The following AIG1 variants were observed in gnomAD, a reference collection of about 807,000 sequenced individuals.
AIG1 encodes the protein androgen induced 1, also known as androgen-induced gene 1 protein.
A neutral mutation model predicts 31.4 loss-of-function variants in AIG1; 23 were observed. The ratio of observed to expected loss-of-function variants is 0.73; its 90% CI spans 0.53 to 1.04. The LOEUF is 1.04. Ranked by LOEUF, AIG1 falls within the 50% of genes least tolerant of loss-of-function variation. The pLI is 0.00. For missense variants in AIG1, 274 were observed against 295.0 expected, an observed-to-expected ratio of 0.93 and a Z score of 0.52; for synonymous variants, 100 against 110.5, an observed-to-expected ratio of 0.90 and a Z score of 0.60.
intron 1 of AIG1, among the ~76,000 whole-genome samples, chr6:143,095,601 C>T (rs1316545846): frequency 1.3e-5 from 2 of 152,042 alleles, no homozygotes; most frequent in Non-Finnish European, 2.9e-5. Context: ...AGAGCAACAC[C>T]TAAAGAATTT....
rs572226092 is a variant in AIG1, at chr6:143,273,243, A to G, written c.400-10867A>G. 5.3e-5 allele frequency among the ~76,000 whole-genome samples: 8 copies of G among 152,362 alleles called. 1 individual carries two copies. In the South Asian group the frequency reaches 1.7e-3, roughly 32 times the overall value. ...TGATATCTACGAATAAGTGGATTCT[A>G]CTGAGAAAATATCTGAAAAGCAGGT... On this transcript the variant is annotated intron_variant, in intron 3 of 5. Coordinates refer to ENST00000357847, the MANE Select transcript of AIG1 (RefSeq NM_016108.4).
At chr6:143,104,380 T>C (rs1318859453) in intron 1 of AIG1, among the ~76,000 whole-genome samples, 2 of 152,202 alleles carry the variant, frequency 1.3e-5, no homozygotes. Context: ...CCTTCTGACC[T>C]TGCTATAGTG....
chr6:143,244,233 G>A (rs1010750584), intron 3 of AIG1, among the ~76,000 whole-genome samples: 1 of 152,186 alleles, frequency 6.6e-6, no homozygotes, highest in Non-Finnish European at 1.5e-5. Flanking sequence ...GAACACAGAC[G>A]AGATTGGCAG....
At chr6:143,317,573 C>A (rs1402572629) in intron 4 of AIG1, among the ~76,000 whole-genome samples, 3 of 152,116 alleles carry the variant, frequency 2.0e-5, no homozygotes, top group Non-Finnish European at 4.4e-5. Context: ...AAGTTGAAAG[C>A]ATTCCCTCTG....
At chr6:143,194,787 C>T (rs1022635332) in intron 3 of AIG1, among the ~76,000 whole-genome samples, 1 of 152,138 alleles carries the variant, frequency 6.6e-6, no homozygotes, top group African/African-American at 2.4e-5. Context: ...TCACTGTCCC[C>T]GATGCTGTCC....
intron 3 of AIG1, among the ~76,000 whole-genome samples, chr6:143,283,800 A>T (rs943772385): frequency 2.6e-5 from 4 of 152,226 alleles, no homozygotes; most frequent in African/African-American, 9.6e-5. Context: ...AAATGTTAAC[A>T]GTGGTGATTG....
In AIG1 at chr6:143,340,419, AT is replaced by A. The variant is rs1394075256; in HGVS notation, c.*747del. On this transcript the variant is annotated 3_prime_UTR_variant, in exon 6 of 6. Coordinates refer to ENST00000357847, the MANE Select transcript of AIG1 (RefSeq NM_016108.4). ...CCTGGTTCTTTCCTATAATTTTTGGATTTTAAAAAATGTGAATCTTTTTGAT... is the reference window on the plus strand; with the variant it reads ...CCTGGTTCTTTCCTATAATTTTTGGATTTAAAAAATGTGAATCTTTTTGAT... 1 of 151,780 alleles carries A rather than the reference AT, an allele frequency of 6.6e-6. No homozygotes were observed. Among genetic ancestry groups the A allele is most frequent in the African/African-American group, 2.4e-5 (1 of 41,274 alleles). The allele number at this position is 151,780 out of a possible 1,614,324, so 9.4% of individuals were successfully genotyped here.
chr6:143,181,176 T>C (rs1481786452), intron 3 of AIG1, among the ~76,000 whole-genome samples: 3 of 152,164 alleles, frequency 2.0e-5, no homozygotes, highest in African/African-American at 7.2e-5. Flanking sequence ...GAAAAAAAAC[T>C]GGCCTTTTCC....
At chr6:143,305,617 C>T (rs933575920) in intron 4 of AIG1, among the ~76,000 whole-genome samples, 5 of 152,090 alleles carry the variant, frequency 3.3e-5, no homozygotes, top group Non-Finnish European at 5.9e-5. Context: ...TGTTCTTTTA[C>T]ATTTGCTGAG....
chr6:143,155,448 G>A (rs1482980371), intron 2 of AIG1, among the ~76,000 whole-genome samples: 1 of 152,104 alleles, frequency 6.6e-6, no homozygotes, highest in Non-Finnish European at 1.5e-5. Context: ...GGGATGGTGG[G>A]AGGCGTTCTA....
At chr6:143,065,885 G>A (rs1236895858) in intron 1 of AIG1, among the ~76,000 whole-genome samples, 1 of 152,212 alleles carries the variant, frequency 6.6e-6, no homozygotes, top group East Asian at 1.9e-4. Context: ...GATTTTTAAA[G>A]ATTGAAACAT....
chr6:143,069,442 G>A (rs1386889852), intron 1 of AIG1, among the ~76,000 whole-genome samples: 2 of 152,206 alleles, frequency 1.3e-5, no homozygotes, highest in East Asian at 3.8e-4. Flanking sequence ...CACCAGCAAT[G>A]TGTGAGAGCT....
At chr6:143,100,013 G>A (rs1335309570) in intron 1 of AIG1, among the ~76,000 whole-genome samples, 7 of 152,176 alleles carry the variant, frequency 4.6e-5, no homozygotes, top group South Asian at 2.1e-4. Context: ...ATTCAAGTAC[G>A]GTTTTGTTTG....
intron 1 of AIG1, among the ~76,000 whole-genome samples, chr6:143,079,484 C>T (rs1006529817): frequency 1.3e-5 from 2 of 152,162 alleles, no homozygotes; most frequent in Non-Finnish European, 2.9e-5. Flanking sequence ...TCAAAGTCCT[C>T]AGGCAGTTGA....
In AIG1 at chr6:143,339,827, GTA is replaced by G. The variant is rs1249653400; in HGVS notation, c.*154_*155del. On this transcript the variant is annotated 3_prime_UTR_variant, in exon 6 of 6. Transcript: ENST00000357847. ...GAGGACACCTTTTATATATAAATATGTATAAACATAGAATACAGTTGTTTCCA... is the reference window on the plus strand; with the variant it reads ...GAGGACACCTTTTATATATAAATATGTAAACATAGAATACAGTTGTTTCCA... 1.7e-6 allele frequency: 1 copy of G among 604,060 alleles called. No individual in the cohort carries two copies. Among genetic ancestry groups the G allele is most frequent in the African/African-American group, 1.9e-5 (1 of 52,262 alleles). 37.4% of individuals were successfully genotyped at this position (604,060 alleles called of 1,614,324 possible).
At position 143,089,749 on chromosome 6, in the gene AIG1, ACT is replaced by A. The variant is rs1261973485; in HGVS notation, c.141+28686_141+28687del. Among the ~76,000 whole-genome samples the A allele has an allele frequency of 2.6e-5, 4 of 152,066 alleles. No homozygotes were observed. The East Asian group carries it at 7.7e-4, about 29-fold the overall frequency. ...GCAAGAGAGAGAGGAGAGGTGCCAC[ACT>A]CTTTTTAGCAACCAGCTCTTGTGGG... On this transcript the variant is annotated intron_variant, in intron 1 of 5. Transcript: ENST00000357847.
chr6:143,264,870 G>A (rs892713), intron 3 of AIG1, among the ~76,000 whole-genome samples: 36,059 of 152,152 alleles, frequency 0.24, 5,636 homozygotes, highest in East Asian at 0.71. Context: ...AGAAGGATGC[G>A]TTTTCCTTTT....
chr6:143,308,154 C>A (rs2128704731), intron 4 of AIG1, among the ~76,000 whole-genome samples: 1 of 152,388 alleles, frequency 6.6e-6, no homozygotes, highest in South Asian at 2.1e-4. Flanking sequence ...ACCCCTTGCG[C>A]TTCCTGAGTG....
rs1214375523 is a variant in AIG1, at chr6:143,339,684, G to A, written c.*8G>A. On this transcript the variant is annotated 3_prime_UTR_variant, in exon 6 of 6. Coordinates refer to ENST00000357847, the MANE Select transcript of AIG1 (RefSeq NM_016108.4). The stretch of plus-strand genomic sequence containing the variant: ...AAGCCTAAATTGGAATGAGATCCAA[G>A]TCTAAACGCAAGAGCTAGATTGAGC... 1.2e-6 allele frequency: 2 copies of A among 1,613,086 alleles called. No homozygotes were observed. Among genetic ancestry groups the A allele is most frequent in the East Asian group, 2.2e-5 (1 of 44,818 alleles).
Sources: gnomAD v4.1 joint callset for allele counts (sites outside exome capture counted in the v4.1 genomes callset) on GRCh38, gnomAD v4.1.1 for gene constraint, MANE v1.5 for transcripts, NCBI Gene and HGNC (gene_info 2026-07-23, HGNC 2026-07-21) for gene names.